Variants in OTUD7B observed in about 807,000 individuals in gnomAD.
OTUD7B encodes the protein OTU deubiquitinase 7B, also known as OTU domain-containing protein 7B.
OTUD7B carries 34 observed loss-of-function variants against 82.2 expected under a neutral mutation model. The observed-to-expected ratio is 0.41, with a 90% CI of 0.31 to 0.55. The LOEUF is 0.55. Ranked by LOEUF, OTUD7B falls within the 20% of genes least tolerant of loss-of-function variation. The pLI, the probability that OTUD7B is intolerant of heterozygous loss-of-function variation, is 0.20. For missense variants in OTUD7B, 944 were observed against 1,062.1 expected, an observed-to-expected ratio of 0.89 and a Z score of 1.55; for synonymous variants, 398 against 402.7, an observed-to-expected ratio of 0.99 and a Z score of 0.14.
At chr1:150,002,205 A>G (rs1232155446) in intron 1 of OTUD7B, among the ~76,000 whole-genome samples, 2 of 13,288 alleles carry the variant, frequency 1.5e-4, no homozygotes, top group Non-Finnish European at 2.6e-4. Flanking sequence ...TTGTTTAGAT[A>G]TTCTTTTTTT....
chr1:150,045,313 C>T, the OTUD7B span, among the ~76,000 whole-genome samples: 1 of 151,846 alleles, frequency 6.6e-6, no homozygotes, highest in Non-Finnish European at 1.5e-5. Context: ...ACGCTGGTCT[C>T]GAACTCCTGA....
At chr1:150,011,930 A>C (rs1425612864), upstream of OTUD7B, among the ~76,000 whole-genome samples, 2 of 152,208 alleles carry the variant, frequency 1.3e-5, no homozygotes, top group African/African-American at 4.8e-5. Context: ...CTGACACCTG[A>C]AACAGGGAAA....
chr1:150,062,500 T>C, the OTUD7B span, among the ~76,000 whole-genome samples: 2 of 152,216 alleles, frequency 1.3e-5, no homozygotes, highest in Non-Finnish European at 2.9e-5. Flanking sequence ...TATGTCTTAC[T>C]CTGAGCAACT....
chr1:150,054,351 T>G, the OTUD7B span: 1 of 528,364 alleles, frequency 1.9e-6, no homozygotes, highest in African/African-American at 1.9e-5. Flanking sequence ...AGGGTGATTT[T>G]CCTGAAGCAG....
chr1:150,025,674 T>C, the OTUD7B span, among the ~76,000 whole-genome samples: 2 of 152,186 alleles, frequency 1.3e-5, no homozygotes, highest in African/African-American at 2.4e-5. Context: ...TACCTTTCTC[T>C]GTGTGAATTC....
chr1:149,974,667 A>G (rs1416745095), intron 2 of OTUD7B, among the ~76,000 whole-genome samples: 2 of 148,334 alleles, frequency 1.3e-5, no homozygotes, highest in African/African-American at 2.5e-5. Flanking sequence ...CTCCTGCCTC[A>G]GCCTCCCAAG....
chr1:150,049,880 T>G, the OTUD7B span, among the ~76,000 whole-genome samples: 1 of 152,098 alleles, frequency 6.6e-6, no homozygotes, highest in Non-Finnish European at 1.5e-5. Context: ...AGCCCTATTT[T>G]CTCATTTTTA....
chr1:149,986,676 T>C (rs1651163241), intron 1 of OTUD7B, among the ~76,000 whole-genome samples: 1 of 152,164 alleles, frequency 6.6e-6, no homozygotes, highest in Non-Finnish European at 1.5e-5. Flanking sequence ...CATTCAAGAC[T>C]GTCAAAAACT....
intron 3 of OTUD7B, among the ~76,000 whole-genome samples, chr1:149,969,232 A>G (rs1385136076): frequency 6.6e-6 from 1 of 152,024 alleles, no homozygotes; most frequent in African/African-American, 2.4e-5. Flanking sequence ...CTGAGGCAGT[A>G]GGATCCCTTG....
chr1:150,062,601 T>C, the OTUD7B span, among the ~76,000 whole-genome samples: 1 of 152,164 alleles, frequency 6.6e-6, no homozygotes, highest in East Asian at 1.9e-4. Context: ...ACTACCATAG[T>C]GCACAGTCTA....
At chr1:150,039,030 A>G in the OTUD7B span, among the ~76,000 whole-genome samples, 1 of 152,144 alleles carries the variant, frequency 6.6e-6, no homozygotes, top group African/African-American at 2.4e-5. Context: ...ATATATATGG[A>G]TCTATTTTGA....
chr1:150,054,545 T>C, the OTUD7B span: 2 of 450,580 alleles, frequency 4.4e-6, no homozygotes, highest in East Asian at 6.4e-5. Context: ...TGGTGACTCA[T>C]GTCTGTAATC....
the OTUD7B span, among the ~76,000 whole-genome samples, chr1:150,036,213 C>T: frequency 6.6e-6 from 1 of 150,596 alleles, no homozygotes; most frequent in Non-Finnish European, 1.5e-5. Flanking sequence ...CTGGGCATCC[C>T]AAAGTGCTGG....
chr1:150,007,649 A>C (rs1164428930), intron 1 of OTUD7B, among the ~76,000 whole-genome samples: 1 of 152,218 alleles, frequency 6.6e-6, no homozygotes, highest in Non-Finnish European at 1.5e-5. Context: ...TTATCCAGAG[A>C]AGTGTTCAAT....
chr1:149,974,551 C>CCT (rs1559848221), intron 2 of OTUD7B, among the ~76,000 whole-genome samples: 6 of 32,808 alleles, frequency 1.8e-4, no homozygotes, highest in African/African-American at 4.0e-4. Flanking sequence ...TCTTAGTTAA[C>CCT]TTTTTTTTTT....
the OTUD7B span, among the ~76,000 whole-genome samples, chr1:150,030,741 A>G: frequency 1.3e-5 from 2 of 152,188 alleles, no homozygotes; most frequent in Admixed American, 6.5e-5. Context: ...CCACCAGTTC[A>G]CTGAAACTGT....
intron 1 of OTUD7B, among the ~76,000 whole-genome samples, chr1:149,994,085 G>A (rs587691974): frequency 8.5e-5 from 13 of 152,258 alleles, no homozygotes; most frequent in African/African-American, 3.1e-4. Flanking sequence ...GAGCCTTCTT[G>A]AAATTAATCC....
At chr1:150,032,894 C>T in the OTUD7B span, among the ~76,000 whole-genome samples, 39 of 152,282 alleles carry the variant, frequency 2.6e-4, no homozygotes, top group African/African-American at 9.1e-4. Context: ...CAGTTCACCA[C>T]CGTCCTCACC....
At chr1:150,003,000 C>T (rs1435097100) in intron 1 of OTUD7B, among the ~76,000 whole-genome samples, 1 of 152,130 alleles carries the variant, frequency 6.6e-6, no homozygotes, top group Non-Finnish European at 1.5e-5. Flanking sequence ...CCTGTAATCC[C>T]AGCACTTTGG....
Sources: allele counts gnomAD v4.1 joint callset (sites outside exome capture counted in the v4.1 genomes callset), GRCh38; gene constraint gnomAD v4.1.1; transcripts MANE v1.5; gene names NCBI Gene and HGNC (gene_info 2026-07-23, HGNC 2026-07-21).